The following DMD variants were observed in gnomAD, a reference collection of about 807,000 sequenced individuals.
DMD encodes mutant dystrophin.
DMD carries 63 observed loss-of-function variants against 330.1 expected under a neutral mutation model. The ratio of observed to expected loss-of-function variants is 0.19; its 90% CI spans 0.16 to 0.24. The LOEUF (loss-of-function observed/expected upper bound fraction) is 0.24, where lower values mean the gene tolerates loss of function less well. Ranked by LOEUF, DMD falls within the 10% of genes least tolerant of loss-of-function variation. DMD has a pLI of 1.00. For missense variants in DMD, 3,344 were observed against 2,684.1 expected, an observed-to-expected ratio of 1.25 and a Z score of -5.43; for synonymous variants, 1,223 against 959.8, an observed-to-expected ratio of 1.27 and a Z score of -5.07.
At chrX:31,491,641 G>T (rs1390365436) in intron 57 of DMD, among the ~76,000 whole-genome samples, 1 of 111,556 alleles carries the variant, frequency 9.0e-6, no homozygotes, top group Non-Finnish European at 1.9e-5. Flanking sequence ...ATGCTGCCCA[G>T]CTGGTTTGGG....
At chrX:31,498,818 G>C (rs909170649) in intron 56 of DMD, among the ~76,000 whole-genome samples, 1 of 111,993 alleles carries the variant, frequency 8.9e-6, no homozygotes, top group Non-Finnish European at 1.9e-5. Context: ...TATTTCCCAA[G>C]AACTGAATCG....
At chrX:31,516,545 G>C (rs925418655) in intron 55 of DMD, among the ~76,000 whole-genome samples, 1 of 111,813 alleles carries the variant, frequency 8.9e-6, no homozygotes, top group African/African-American at 3.2e-5. Context: ...GTTAATTTGA[G>C]GACTGCTGTT....
chrX:31,836,540 A>C (rs945803110), intron 49 of DMD, among the ~76,000 whole-genome samples, 178 bp downstream of exon 49: 1 of 112,761 alleles, frequency 8.9e-6, no homozygotes, highest in African/African-American at 3.2e-5. Flanking sequence ...AGATCACAAT[A>C]TATAAATAGG....
chrX:33,154,773 C>A (rs1239174724), intron 1 of DMD, among the ~76,000 whole-genome samples: 2 of 111,279 alleles, frequency 1.8e-5, no homozygotes, highest in African/African-American at 6.5e-5. Context: ...ATTATATTAT[C>A]CTTTCAGAAT....
At chrX:31,366,499 T>TAAAAAAAAAAAAAAAAAAAAAAA in intron 60 of DMD, among the ~76,000 whole-genome samples, 1 of 36,500 alleles carries the variant, frequency 2.7e-5, no homozygotes, top group Non-Finnish European at 4.9e-5. Flanking sequence ...AAAAAAAACA[T>TAAAAAAAAAAAAAAAAAAAAAAA]AAAAAAAAAA....
At chrX:32,018,080 G>A (rs2095779352) in intron 44 of DMD, among the ~76,000 whole-genome samples, 1 of 111,383 alleles carries the variant, frequency 9.0e-6, no homozygotes, top group Admixed American at 9.6e-5. Flanking sequence ...TTACAGTCCA[G>A]TAAGAATTAC....
At position 32,656,745 on chromosome X, in the gene DMD, C is replaced by T. The variant is rs140195456; in HGVS notation, c.961-11593G>A. 9.8e-3 allele frequency among the ~76,000 whole-genome samples: 1,095 copies of T among 111,440 alleles called. 20 individuals carry two copies. The highest frequency in any genetic ancestry group is 0.034 in the African/African-American group (1,035 of 30,690). ...ATTGTAGGAAGGCGGGGACACTGACCCCGTGCCTAACAGCACAGTACACAG... is the reference window on the plus strand; with the variant it reads ...ATTGTAGGAAGGCGGGGACACTGACTCCGTGCCTAACAGCACAGTACACAG... On this transcript the variant is annotated intron_variant, in intron 9 of 78. Coordinates refer to ENST00000357033, the MANE Select transcript of DMD (RefSeq NM_004006.3).
intron 77 of DMD, among the ~76,000 whole-genome samples, chrX:31,129,158 T>G (rs183297777): frequency 9.0e-6 from 1 of 111,237 alleles, no homozygotes; most frequent in Admixed American, 9.6e-5. Flanking sequence ...ACTATAAAAT[T>G]GACATTATTG....
At chrX:32,373,154 G>T (rs2097886513) in intron 34 of DMD, among the ~76,000 whole-genome samples, 1 of 108,055 alleles carries the variant, frequency 9.3e-6, no homozygotes, top group Admixed American at 9.9e-5. Flanking sequence ...GTATCTTTTG[G>T]AAGGGCTATG....
intron 1 of DMD, among the ~76,000 whole-genome samples, chrX:33,100,554 G>T (rs984196277): frequency 1.8e-5 from 2 of 110,497 alleles, no homozygotes; most frequent in Non-Finnish European, 3.8e-5. Flanking sequence ...AGTCAGGGAT[G>T]GTGGCGCATG....
chrX:31,716,447 T>C (rs1356121472), intron 52 of DMD, among the ~76,000 whole-genome samples: 1 of 111,010 alleles, frequency 9.0e-6, no homozygotes, highest in Non-Finnish European at 1.9e-5. Flanking sequence ...GCTACTCAGA[T>C]GGCTGAGGCA....
chrX:31,969,996 AAT>A, intron 44 of DMD, among the ~76,000 whole-genome samples: 1 of 112,148 alleles, frequency 8.9e-6, no homozygotes, highest in South Asian at 3.7e-4. Context: ...ATTGCTTAGT[AAT>A]AGAGACACCA....
intron 44 of DMD, among the ~76,000 whole-genome samples, chrX:32,133,741 C>T (rs776924429): frequency 1.8e-5 from 2 of 111,440 alleles, no homozygotes; most frequent in Admixed American, 9.5e-5. Flanking sequence ...CTTCCAAACA[C>T]GTTCAGAATA....
chrX:31,955,751 A>AT (rs1229881670), intron 45 of DMD, among the ~76,000 whole-genome samples: 1 of 112,111 alleles, frequency 8.9e-6, no homozygotes, highest in African/African-American at 3.2e-5. Context: ...CCCACAGTAG[A>AT]TTTTGGGAGA....
chrX:31,418,168 A>G (rs2063168698), intron 60 of DMD, among the ~76,000 whole-genome samples: 1 of 111,479 alleles, frequency 9.0e-6, no homozygotes, highest in Non-Finnish European at 1.9e-5. Flanking sequence ...TTTTCTCACA[A>G]TTCTGAAGGC....
chrX:33,054,794 C>T (rs1017556693), intron 1 of DMD, among the ~76,000 whole-genome samples: 8 of 111,585 alleles, frequency 7.2e-5, no homozygotes, highest in African/African-American at 2.6e-4. Context: ...ACAGTGATCT[C>T]GAGGGAGAAT....
Position 32,627,153 on chromosome X carries a change from C to A in DMD, c.1332-12700G>T, listed in dbSNP as rs1264642310. ...AACGATTGTGCCTCTTCCCCGCCCC[C>A]CCCCCCGCCCCAGGACACAGCCATA... On this transcript the variant is annotated intron_variant, in intron 11 of 78. Transcript: ENST00000357033. Among the ~76,000 whole-genome samples the A allele has an allele frequency of 2.1e-4, 13 of 62,002 alleles. 1 individual carries two copies. Among genetic ancestry groups the A allele is most frequent in the African/African-American group, 1.6e-4 (2 of 12,855 alleles). 53.8% of individuals were successfully genotyped at this position (62,002 alleles called of 115,157 possible).
intron 64 of DMD, among the ~76,000 whole-genome samples, chrX:31,211,172 C>T (rs1462510315): frequency 8.9e-6 from 1 of 112,133 alleles, no homozygotes; most frequent in Non-Finnish European, 1.9e-5. Flanking sequence ...AAAAGCAATG[C>T]AAGGAGGCAG....
intron 60 of DMD, among the ~76,000 whole-genome samples, chrX:31,370,650 C>T (rs1256920489): frequency 8.9e-6 from 1 of 112,427 alleles, no homozygotes; most frequent in Non-Finnish European, 1.9e-5. Context: ...AAACATTCAA[C>T]TACCATATGA....
Sources: gnomAD v4.1 joint callset for allele counts (sites outside exome capture counted in the v4.1 genomes callset) on GRCh38, gnomAD v4.1.1 for gene constraint, MANE v1.5 for transcripts, NCBI Gene and HGNC (gene_info 2026-07-23, HGNC 2026-07-21) for gene names.